ADGRG1: variants seen among roughly 807,000 people sequenced by gnomAD.
ADGRG1 encodes the protein adhesion G protein-coupled receptor G1.
Under a neutral mutation model 73.5 loss-of-function variants are expected in ADGRG1, and 53 were observed. The observed-to-expected ratio is 0.72, with a 90% CI of 0.58 to 0.91. ADGRG1 has a LOEUF of 0.91. ADGRG1 is among the 40% of genes least tolerant of loss of function. ADGRG1 has a pLI of 0.00. For missense variants in ADGRG1, 795 were observed against 871.8 expected (o/e 0.91, Z 1.11); for synonymous variants, 394 against 374.4 (o/e 1.05, Z -0.60).
intron 1 of ADGRG1, chr16:57,634,165 G>GA (rs2038760857): frequency 1.0e-6 from 1 of 985,328 alleles, no homozygotes; most frequent in African/African-American, 1.7e-5. Context: ...AGGCCCCTGG[G>GA]AGCTAGGCTG....
In ADGRG1 at chr16:57,663,564, C is replaced by A; in HGVS notation, c.2046C>A (p.Thr682=). The change falls in exon 14 of 14, where the codon ACC becomes ACA. Residue 682 remains threonine, a synonymous_variant. Transcript: ENST00000562631. Reference sequence around the variant, plus strand: ...GGCTCCCCATCAGCTCGGGCAGCACCTCGTCCAGCCGCATCTAGGCCTCCA... The same window carrying A: ...GGCTCCCCATCAGCTCGGGCAGCACATCGTCCAGCCGCATCTAGGCCTCCA... ...SARLPISSGS[T]SSSRI is the part of the protein sequence containing the mutation. The A allele has an allele frequency of 1.2e-6, 2 of 1,613,558 alleles. No individual in the cohort carries two copies. The highest frequency in any genetic ancestry group is 1.7e-6 in the Non-Finnish European group (2 of 1,180,000).
intron 1 of ADGRG1, chr16:57,630,355 G>A (rs1279633359): frequency 7.1e-6 from 7 of 985,238 alleles, no homozygotes; most frequent in Admixed American, 1.2e-4. Context: ...GAGCTCTTAG[G>A]GCCAGACCTG....
intron 7 of ADGRG1, 25 bp downstream of exon 7, chr16:57,656,017 G>A (rs762866097): frequency 1.2e-6 from 2 of 1,613,902 alleles, no homozygotes; most frequent in Non-Finnish European, 1.7e-6. Context: ...GCCATCAAGA[G>A]AACAAGCGCC....
intron 1 of ADGRG1, chr16:57,634,643 C>G (rs1394385752): frequency 4.6e-6 from 1 of 215,100 alleles, no homozygotes; most frequent in African/African-American, 2.3e-5. Flanking sequence ...CAGAGTACCA[C>G]AGATGGCCAT....
chr16:57,626,357 T>C (rs971046656), upstream of ADGRG1, among the ~76,000 whole-genome samples: 21 of 152,196 alleles, frequency 1.4e-4, no homozygotes, highest in African/African-American at 5.1e-4. Context: ...CAGATAGTGT[T>C]GTGTTTAACA....
In ADGRG1 at chr16:57,661,741, G is replaced by A; in HGVS notation, c.1709G>A (p.Gly570Asp). The change falls in exon 13 of 14, where the codon GGC becomes GAC. Residue 570 changes from glycine to aspartate, a missense_variant. Gly to Asp is a moderately conservative substitution (Grantham distance 94). Coordinates refer to ENST00000562631, the MANE Select transcript of ADGRG1 (RefSeq NM_201525.4). ...DSLVSYITNL[G>D]LFSLVFLFNM... ...CTGGTCAGCTACATCACCAACCTGG[G>A]CCTCTTCAGCCTGGTGTTTCTGTTC... is the stretch of plus-strand genomic sequence containing the variant. 6.2e-7 allele frequency: 1 copy of A among 1,614,140 alleles called. No individual in the cohort carries two copies. The highest frequency in any genetic ancestry group is 8.5e-7 in the Non-Finnish European group (1 of 1,180,002).
chr16:57,653,516 G>T, intron 4 of ADGRG1, 181 bp downstream of exon 4: 2 of 985,370 alleles, frequency 2.0e-6, no homozygotes, highest in Non-Finnish European at 2.4e-6. Flanking sequence ...GCCCTCTCCT[G>T]TCTGAGTCAG....
intron 1 of ADGRG1, chr16:57,635,445 G>C (rs2039115755): frequency 1.0e-6 from 1 of 985,316 alleles, no homozygotes; most frequent in Non-Finnish European, 1.2e-6. Flanking sequence ...ACCCTTGCCA[G>C]CCATGGTGGG....
intron 4 of ADGRG1, 103 bp from the exon 5 acceptor site, chr16:57,653,883 C>T (rs1298135243): frequency 1.3e-6 from 2 of 1,599,690 alleles, no homozygotes; most frequent in African/African-American, 2.7e-5. Context: ...CTGCCTCTGC[C>T]TCTTCCCTGT....
chr16:57,655,524 G>A lies in ADGRG1; in HGVS notation c.894G>A (p.Leu298=), dbSNP rs775847810. ...TGGTGGACTTCAGCAGCCAAGCCCT[G>A]TTCCAGGTATGGGGTCCTCACCCTC... ...LLLVDFSSQA[L]FQDKNSSQVL... The change falls in exon 6 of 14, where the codon CTG becomes CTA. Residue 298 remains leucine (L), a synonymous_variant. Coordinates refer to ENST00000562631, the MANE Select transcript of ADGRG1 (RefSeq NM_201525.4). 6.2e-7 allele frequency: 1 copy of A among 1,613,882 alleles called. No individual in the cohort carries two copies. Among genetic ancestry groups the A allele is most frequent in the Non-Finnish European group, 8.5e-7 (1 of 1,180,030 alleles).
chr16:57,657,466 A>G lies in ADGRG1; in HGVS notation c.1261A>G (p.Thr421Ala), dbSNP rs1567796174. 3 of 1,613,632 alleles carry G rather than the reference A, an allele frequency of 1.9e-6. No homozygotes were observed. The highest frequency in any genetic ancestry group is 2.5e-6 in the Non-Finnish European group (3 of 1,179,708). ...CGTCTCTGCCCTGGCCTGCCTTGTC[A>G]CCATTGCCGCCTACCTCTGCTCCAG... ...CVVSALACLV[T>A]IAAYLCSRRK... Residue 421 changes from threonine (T) to alanine (A), a missense_variant, in exon 10 of 14, where the codon ACC (threonine) becomes GCC (alanine). Physicochemically the swap from Thr to Ala is moderately conservative, Grantham distance 58 (BLOSUM62 0). Coordinates refer to ENST00000562631, the MANE Select transcript of ADGRG1 (RefSeq NM_201525.4).
At chr16:57,643,680 C>G (rs1451953280) in intron 1 of ADGRG1, 2 of 985,098 alleles carry the variant, frequency 2.0e-6, no homozygotes, top group East Asian at 2.3e-4. Flanking sequence ...ATTTTATTCT[C>G]CTTTATTGTA....
chr16:57,653,565 C>A (rs1327781348), intron 4 of ADGRG1: 3 of 985,290 alleles, frequency 3.0e-6, no homozygotes, highest in East Asian at 1.1e-4. Context: ...CCCTCCTCCC[C>A]CTCATAAAGA....
chr16:57,648,934 G>A (rs1475346619), intron 1 of ADGRG1, among the ~76,000 whole-genome samples: 1 of 152,226 alleles, frequency 6.6e-6, no homozygotes, highest in African/African-American at 2.4e-5. Context: ...TTAACTCCAT[G>A]GGCCTCAGGT....
intron 11 of ADGRG1, chr16:57,660,330 A>C: frequency 1.0e-6 from 1 of 984,970 alleles, no homozygotes; most frequent in Non-Finnish European, 1.2e-6. Context: ...TCTCTGTGTC[A>C]GGACTTTGTG....
intron 1 of ADGRG1, chr16:57,639,581 G>T: frequency 1.0e-6 from 1 of 985,306 alleles, no homozygotes. Context: ...CACCAGCCCC[G>T]CAGGCTACTG....
At chr16:57,636,727 C>T in intron 1 of ADGRG1, 1 of 983,094 alleles carries the variant, frequency 1.0e-6, no homozygotes, top group Non-Finnish European at 1.2e-6. Flanking sequence ...TCTTCATTTA[C>T]TCATCCAGCA....
intron 3 of ADGRG1, chr16:57,652,688 G>A (rs1438576237): frequency 1.0e-6 from 1 of 992,566 alleles, no homozygotes; most frequent in East Asian, 1.1e-4. Context: ...GCCTTCCTCA[G>A]TGGCACAGAA....
At chr16:57,647,059 G>A (rs1253092573) in intron 1 of ADGRG1, 32 of 957,414 alleles carry the variant, frequency 3.3e-5, no homozygotes, top group East Asian at 1.2e-4. Context: ...CATCCCTGGC[G>A]CCTGGGTGGG....
Sources: gnomAD v4.1 joint callset for allele counts (sites outside exome capture counted in the v4.1 genomes callset) on GRCh38, gnomAD v4.1.1 for gene constraint, MANE v1.5 for transcripts, NCBI Gene and HGNC (gene_info 2026-07-23, HGNC 2026-07-21) for gene names.